The following DTD1 variants were observed in gnomAD, a reference collection of about 807,000 sequenced individuals.
DTD1 encodes the protein D-aminoacyl-tRNA deacylase 1.
A neutral mutation model predicts 25.6 loss-of-function variants in DTD1; 13 were observed. The ratio of observed to expected loss-of-function variants is 0.51; its 90% CI spans 0.33 to 0.81. The LOEUF is 0.81. Among genes scored for constraint, DTD1 ranks in the 30% least tolerant of loss-of-function variants. DTD1 has a pLI of 0.02. For missense variants in DTD1, 193 were observed against 266.4 expected (o/e 0.72, Z 1.92); for synonymous variants, 110 against 103.6 (o/e 1.06, Z -0.37).
At chr20:18,693,780 C>T (rs2122441918) in intron 4 of DTD1, among the ~76,000 whole-genome samples, 1 of 152,260 alleles carries the variant, frequency 6.6e-6, no homozygotes, top group Middle Eastern at 3.4e-3. Context: ...CATTGTGTAT[C>T]CAGTCTCAGT....
At position 18,608,232 on chromosome 20, in the gene DTD1, C is replaced by T. The variant is rs79705775; in HGVS notation, c.370+11991C>T. ...ATAGTGATGTCCTCTGTTTCATTTTCGATATTGGTGATTTGTGTCCTCTTT... is the reference window on the plus strand; with the variant it reads ...ATAGTGATGTCCTCTGTTTCATTTTTGATATTGGTGATTTGTGTCCTCTTT... On this transcript the variant is annotated intron_variant, in intron 3 of 5. Coordinates refer to ENST00000377452, the MANE Select transcript of DTD1 (RefSeq NM_080820.6). 3.1e-4 allele frequency among the ~76,000 whole-genome samples: 47 copies of T among 151,856 alleles called. No homozygotes were observed. In the East Asian group the frequency reaches 8.9e-3, roughly 29 times the overall value.
intron 4 of DTD1, among the ~76,000 whole-genome samples, chr20:18,736,417 C>T (rs1229065019): frequency 6.6e-6 from 1 of 152,162 alleles, no homozygotes; most frequent in Non-Finnish European, 1.5e-5. Flanking sequence ...TCCATGGGAG[C>T]CTGAACTTCC....
chr20:18,685,505 G>C (rs2061013128), intron 4 of DTD1, among the ~76,000 whole-genome samples: 1 of 152,168 alleles, frequency 6.6e-6, no homozygotes, highest in Admixed American at 6.5e-5. Flanking sequence ...AGGTATGGCA[G>C]ACATCCTTGG....
chr20:18,651,459 G>A (rs940569336), intron 4 of DTD1, among the ~76,000 whole-genome samples: 2 of 152,206 alleles, frequency 1.3e-5, no homozygotes, highest in African/African-American at 4.8e-5. Flanking sequence ...CCAACAGCTG[G>A]TAGTTTTAAA....
intron 4 of DTD1, 93 bp from the exon 5 acceptor site, chr20:18,744,007 C>T: frequency 1.4e-6 from 2 of 1,404,248 alleles, no homozygotes; most frequent in South Asian, 1.4e-5. Flanking sequence ...AAAAACTTTT[C>T]AATGGTTCCC....
intron 4 of DTD1, among the ~76,000 whole-genome samples, chr20:18,713,145 T>C (rs1232058224): frequency 6.6e-6 from 1 of 152,286 alleles, no homozygotes; most frequent in African/African-American, 2.4e-5. Context: ...TCCGGGCATC[T>C]TTTGCAGAGG....
At position 18,663,366 on chromosome 20, in the gene DTD1, A is replaced by T. The variant is rs183186368; in HGVS notation, c.477+35133A>T. On this transcript the variant is annotated intron_variant, in intron 4 of 5. Transcript: ENST00000377452. The stretch of plus-strand genomic sequence containing the variant: ...AGACTCTGTATCTATAAAAAAAAAA[A>T]ATATACAAAGTTTCCATACAACAGG... 3.9e-3 allele frequency among the ~76,000 whole-genome samples: 594 copies of T among 151,676 alleles called. 2 individuals are homozygous for T. Among genetic ancestry groups the T allele is most frequent in the African/African-American group, 0.013 (520 of 40,994 alleles).
At chr20:18,716,356 G>A (rs939606319) in intron 4 of DTD1, among the ~76,000 whole-genome samples, 2 of 152,328 alleles carry the variant, frequency 1.3e-5, no homozygotes, top group Admixed American at 6.5e-5. Context: ...TTTGTGGCAC[G>A]TGGGGTCTGA....
chr20:18,715,201 C>T (rs1224535556), intron 4 of DTD1, among the ~76,000 whole-genome samples: 2 of 152,132 alleles, frequency 1.3e-5, no homozygotes, highest in Non-Finnish European at 2.9e-5. Flanking sequence ...CTCCATTTCC[C>T]CCAGGGTCAG....
At chr20:18,663,493 A>G (rs561899394) in intron 4 of DTD1, among the ~76,000 whole-genome samples, 2 of 152,350 alleles carry the variant, frequency 1.3e-5, no homozygotes, top group African/African-American at 2.4e-5. Flanking sequence ...TTGGTTAACA[A>G]TGGGATCCAT....
intron 4 of DTD1, among the ~76,000 whole-genome samples, chr20:18,696,378 G>T (rs1382071913): frequency 6.6e-6 from 1 of 152,088 alleles, no homozygotes; most frequent in African/African-American, 2.4e-5. Context: ...CGTCTTTCTC[G>T]GTCTCAGGTG....
intron 5 of DTD1, among the ~76,000 whole-genome samples, chr20:18,746,274 C>A (rs1191448555): frequency 1.3e-5 from 2 of 152,114 alleles, no homozygotes; most frequent in African/African-American, 2.4e-5. Flanking sequence ...AGAATTCACC[C>A]AAGAGACACC....
intron 4 of DTD1, among the ~76,000 whole-genome samples, chr20:18,628,553 T>C (rs894018458): frequency 3.3e-5 from 5 of 152,136 alleles, no homozygotes; most frequent in Non-Finnish European, 7.4e-5. Context: ...AGCAGAGCAA[T>C]GGCCCTGGAT....
At chr20:18,658,896 C>T (rs2060899502) in intron 4 of DTD1, among the ~76,000 whole-genome samples, 1 of 152,174 alleles carries the variant, frequency 6.6e-6, no homozygotes, top group South Asian at 2.1e-4. Flanking sequence ...GAAGCAGCCC[C>T]CTGATGCCCC....
chr20:18,684,711 T>A (rs1316321446), intron 4 of DTD1, among the ~76,000 whole-genome samples: 1 of 152,228 alleles, frequency 6.6e-6, no homozygotes, highest in Non-Finnish European at 1.5e-5. Flanking sequence ...TGATTTGTCC[T>A]ATGATCTTAG....
chr20:18,594,146 C>T (rs2060601094), intron 2 of DTD1, among the ~76,000 whole-genome samples: 1 of 152,116 alleles, frequency 6.6e-6, no homozygotes, highest in African/African-American at 2.4e-5. Context: ...TTAAATTGGG[C>T]AGTTATCTGG....
At chr20:18,714,950 C>G (rs2061174452) in intron 4 of DTD1, among the ~76,000 whole-genome samples, 1 of 152,138 alleles carries the variant, frequency 6.6e-6, no homozygotes, top group Non-Finnish European at 1.5e-5. Context: ...TGTCTATTGT[C>G]CAGGGCTTTT....
chr20:18,630,305 AG>A (rs2060780334), intron 4 of DTD1: 1 of 152,092 alleles, frequency 6.6e-6, no homozygotes, highest in South Asian at 2.1e-4. Context: ...ATGTTGATAT[AG>A]TACTATTATA....
At chr20:18,674,930 A>C (rs1436460834) in intron 4 of DTD1, 3 of 152,296 alleles carry the variant, frequency 2.0e-5, no homozygotes, top group African/African-American at 7.2e-5. Flanking sequence ...GCAGCATAGC[A>C]GGTTACTCCC....
Sources: allele counts gnomAD v4.1 joint callset (sites outside exome capture counted in the v4.1 genomes callset), GRCh38; gene constraint gnomAD v4.1.1; transcripts MANE v1.5; gene names NCBI Gene and HGNC (gene_info 2026-07-23, HGNC 2026-07-21).